BMERB1: variants seen among roughly 807,000 people sequenced by gnomAD.
BMERB1 encodes the protein bMERB domain containing 1, also known as bMERB domain-containing protein 1.
Under a neutral mutation model 23.6 loss-of-function variants are expected in BMERB1, and 12 were observed. The ratio of observed to expected loss-of-function variants is 0.51; its 90% CI spans 0.33 to 0.82. The LOEUF (loss-of-function observed/expected upper bound fraction) is 0.82, where lower values mean the gene tolerates loss of function less well. Among genes scored for constraint, BMERB1 ranks in the 40% least tolerant of loss-of-function variants. The probability of loss-of-function intolerance (pLI) is 0.03; values close to 1 mark genes in which losing one functional copy is unlikely to be tolerated. For missense variants in BMERB1, 247 were observed against 255.4 expected (o/e 0.97, Z 0.22); for synonymous variants, 122 against 96.6 (o/e 1.26, Z -1.54).
At chr16:15,553,842 GAGAGTGC>G (rs1485325579) in intron 2 of BMERB1, among the ~76,000 whole-genome samples, 1 of 152,146 alleles carries the variant, frequency 6.6e-6, no homozygotes, top group Non-Finnish European at 1.5e-5. Context: ...AGGTCAAAGG[GAGAGTGC>G]ACTCTCTCCT....
chr16:15,579,686 A>G (rs759434276), intron 3 of BMERB1, among the ~76,000 whole-genome samples: 1 of 151,722 alleles, frequency 6.6e-6, no homozygotes, highest in African/African-American at 2.4e-5. Context: ...TCTCTTTGGC[A>G]TCCTAGCACT....
chr16:15,528,703 A>AC (rs1289681932), intron 2 of BMERB1, among the ~76,000 whole-genome samples: 5 of 138,980 alleles, frequency 3.6e-5, no homozygotes, highest in Middle Eastern at 3.5e-3. Context: ...CTCTCCTCCC[A>AC]CCCCCCTCTC....
chr16:15,491,040 A>C (rs2051415371), intron 1 of BMERB1, among the ~76,000 whole-genome samples: 1 of 151,524 alleles, frequency 6.6e-6, no homozygotes, highest in African/African-American at 2.4e-5. Context: ...TGTAGAGATG[A>C]GGTCTTGATA....
At chr16:15,462,097 T>A (rs1012027275) in intron 1 of BMERB1, among the ~76,000 whole-genome samples, 1 of 150,728 alleles carries the variant, frequency 6.6e-6, no homozygotes, top group African/African-American at 2.4e-5. Flanking sequence ...ACACAAAAAT[T>A]GTTTTTTCTG....
chr16:15,468,206 C>T (rs2051200515), intron 1 of BMERB1, among the ~76,000 whole-genome samples: 1 of 116,212 alleles, frequency 8.6e-6, no homozygotes, highest in South Asian at 3.0e-4. Flanking sequence ...AGTGCAGTGG[C>T]ACGATCACAG....
intron 2 of BMERB1, among the ~76,000 whole-genome samples, chr16:15,557,130 C>G (rs1402210122): frequency 6.6e-6 from 1 of 152,126 alleles, no homozygotes; most frequent in Non-Finnish European, 1.5e-5. Context: ...AGGGCCTGAT[C>G]ACCTCTCCGC....
intron 1 of BMERB1, among the ~76,000 whole-genome samples, chr16:15,510,457 G>A (rs899928391): frequency 6.6e-6 from 1 of 152,138 alleles, no homozygotes; most frequent in Non-Finnish European, 1.5e-5. Context: ...CAGGTGCGGC[G>A]GTCATAACGA....
intron 1 of BMERB1, among the ~76,000 whole-genome samples, chr16:15,509,723 C>A (rs12923446): frequency 0.32 from 48,942 of 151,996 alleles, 8,385 homozygotes; most frequent in East Asian, 0.51. Flanking sequence ...TGCAGGATCT[C>A]AAGCCCCTGG....
chr16:15,543,177 C>T (rs973694536), intron 2 of BMERB1, among the ~76,000 whole-genome samples: 1 of 152,054 alleles, frequency 6.6e-6, no homozygotes, highest in African/African-American at 2.4e-5. Context: ...TTCAGCCATC[C>T]TCAGATGATC....
intron 1 of BMERB1, among the ~76,000 whole-genome samples, chr16:15,456,749 A>T (rs751600811): frequency 4.6e-5 from 7 of 152,096 alleles, no homozygotes; most frequent in African/African-American, 7.2e-5. Context: ...CAGCTAGGTG[A>T]TTTAACAATT....
At position 15,551,807 on chromosome 16, in the gene BMERB1, G is replaced by A. The variant is rs112167458; in HGVS notation, c.231-16176G>A. ...CAGACGGCGAAGGGAAAGCAAGCAC[G>A]TCTTACGTGGCGGCAGGAGAGAGAC... On this transcript the variant is annotated intron_variant, in intron 2 of 5. Transcript: ENST00000300006. Among the ~76,000 whole-genome samples the A allele has an allele frequency of 3.1e-3, 467 of 152,288 alleles. 2 individuals are homozygous for A. The highest frequency in any genetic ancestry group is 0.011 in the African/African-American group (438 of 41,564).
intron 2 of BMERB1, among the ~76,000 whole-genome samples, chr16:15,558,436 T>G (rs2030327247): frequency 6.6e-6 from 1 of 151,924 alleles, no homozygotes; most frequent in Non-Finnish European, 1.5e-5. Flanking sequence ...TGGATCTTCA[T>G]AGGGTGCATG....
At chr16:15,497,439 G>T (rs1458771462) in intron 1 of BMERB1, among the ~76,000 whole-genome samples, 1 of 152,158 alleles carries the variant, frequency 6.6e-6, no homozygotes, top group Non-Finnish European at 1.5e-5. Flanking sequence ...AAGGAACTCA[G>T]ATAAAACAAA....
At chr16:15,502,627 G>A (rs1000626025) in intron 1 of BMERB1, among the ~76,000 whole-genome samples, 1 of 152,158 alleles carries the variant, frequency 6.6e-6, no homozygotes, top group Non-Finnish European at 1.5e-5. Flanking sequence ...TGATGACAAC[G>A]AAGTCTAGAG....
rs773392188 is a variant in BMERB1 at position 15,468,965 on chromosome 16, C to CTT, written c.106+34225_106+34226dup. 2.1e-3 allele frequency among the ~76,000 whole-genome samples: 264 copies of CTT among 126,378 alleles called. 3 individuals are homozygous for CTT. Among genetic ancestry groups the CTT allele is most frequent in the African/African-American group, 5.5e-3 (176 of 31,914 alleles). 82.9% of individuals were successfully genotyped at this position (126,378 alleles called of 152,430 possible). On this transcript the variant is annotated intron_variant, in intron 1 of 5. Transcript: ENST00000300006. ...CTTCCTCCAATAAATCATCTTCACA[C>CTT]TTTTTTTTTTTTTTTTTTTTGAGAC...
At chr16:15,435,272 C>T (rs896778858) in intron 1 of BMERB1, among the ~76,000 whole-genome samples, 2 of 152,082 alleles carry the variant, frequency 1.3e-5, no homozygotes, top group African/African-American at 2.4e-5. Context: ...TTCCTTGGGT[C>T]GGGGTGGGAG....
chr16:15,587,664 GC>G lies in BMERB1; in HGVS notation c.*837del. ...ACCATTCCGGGGCCACCACAGAGAT[GC>G]CAGCAGGATGCCACTTTGCCAGCCC... On this transcript the variant is annotated 3_prime_UTR_variant, in exon 6 of 6. Transcript: ENST00000300006. The G allele has an allele frequency of 3.1e-6, 1 of 321,238 alleles. No individual in the cohort carries two copies. Among genetic ancestry groups the G allele is most frequent in the Non-Finnish European group, 6.7e-6 (1 of 149,140 alleles). The allele number at this position is 321,238 out of a possible 1,614,324, so 19.9% of individuals were successfully genotyped here. A position where few individuals can be genotyped will look rare whatever the true frequency, so the allele number is the denominator to read the frequency against.
At chr16:15,502,324 GT>G (rs1461009595) in intron 1 of BMERB1, 1 of 1,551,382 alleles carries the variant, frequency 6.4e-7, no homozygotes, top group Non-Finnish European at 8.7e-7. Flanking sequence ...ATTCTTCCAT[GT>G]GGGGCGACCT....
At chr16:15,519,366 TC>T (rs2150954479) in intron 2 of BMERB1, among the ~76,000 whole-genome samples, 1 of 152,256 alleles carries the variant, frequency 6.6e-6, no homozygotes, top group East Asian at 1.9e-4. Context: ...GTGTCTCACT[TC>T]CAATGCTTCT....
Sources: gnomAD v4.1 joint callset for allele counts (sites outside exome capture counted in the v4.1 genomes callset) on GRCh38, gnomAD v4.1.1 for gene constraint, MANE v1.5 for transcripts, NCBI Gene and HGNC (gene_info 2026-07-23, HGNC 2026-07-21) for gene names.